BRPF3: variants seen among roughly 807,000 people sequenced by gnomAD.
BRPF3 encodes the protein bromodomain and PHD finger-containing protein 3.
Under a neutral mutation model 102.0 loss-of-function variants are expected in BRPF3, and 18 were observed. The ratio of observed to expected loss-of-function variants is 0.18; its 90% CI spans 0.12 to 0.26. The LOEUF is 0.26. Among genes scored for constraint, BRPF3 ranks in the 10% least tolerant of loss-of-function variants. The pLI is 1.00. For missense variants in BRPF3, 1,147 were observed against 1,567.8 expected (o/e 0.73, Z 4.53); for synonymous variants, 570 against 614.2 (o/e 0.93, Z 1.06).
intron 4 of BRPF3, among the ~76,000 whole-genome samples, chr6:36,208,407 A>G (rs1253495316): frequency 6.6e-6 from 1 of 152,224 alleles, no homozygotes; most frequent in East Asian, 1.9e-4. Flanking sequence ...AAGCAGAGGC[A>G]GGAGGATAGG....
chr6:36,222,961 G>A (rs895103472), intron 10 of BRPF3, among the ~76,000 whole-genome samples: 2 of 152,168 alleles, frequency 1.3e-5, no homozygotes, highest in Non-Finnish European at 2.9e-5. Context: ...ATTCACAAAC[G>A]TTATCAGTGA....
intron 8 of BRPF3, among the ~76,000 whole-genome samples, chr6:36,217,711 C>T (rs1189963975): frequency 6.6e-6 from 1 of 152,190 alleles, no homozygotes; most frequent in Non-Finnish European, 1.5e-5. Flanking sequence ...GCAGTGTCTG[C>T]TCCTTGCCCT....
Position 36,200,941 on chromosome 6 carries a change from T to A in BRPF3, c.619T>A (p.Ser207Thr). The A allele has an allele frequency of 6.2e-7, 1 of 1,614,156 alleles. No homozygotes were observed. The highest frequency in any genetic ancestry group is 8.5e-7 in the Non-Finnish European group (1 of 1,180,038). ...GAGTCGCAGCAGTGGGGCCCAACAGTCACTCATCGATGAAGACGCTTTCTG... is the reference window on the plus strand; with the variant it reads ...GAGTCGCAGCAGTGGGGCCCAACAGACACTCATCGATGAAGACGCTTTCTG... ...LESRSSGAQQ[S>T]LIDEDAFCCV... Residue 207 changes from serine (S) to threonine (T), a missense_variant, in exon 2 of 13, where the codon TCA becomes ACA. Ser to Thr is a moderately conservative substitution (Grantham distance 58). Transcript: ENST00000357641. The surrounding 1 kb of genome is among the most constrained non-coding windows in gnomAD (Gnocchi z 5.3).
At chr6:36,211,051 G>C in intron 6 of BRPF3, 1 of 617,304 alleles carries the variant, frequency 1.6e-6, no homozygotes, top group Non-Finnish European at 2.8e-6. Context: ...ACTGCTTCCT[G>C]CAGACGTTTC....
chr6:36,205,947 C>A (rs1216748104), intron 3 of BRPF3, among the ~76,000 whole-genome samples: 5 of 152,070 alleles, frequency 3.3e-5, no homozygotes, highest in Non-Finnish European at 7.4e-5. Context: ...AACTTATTTC[C>A]CCATCATTAT....
At chr6:36,204,426 A>C (rs1767831562) in intron 2 of BRPF3, 1 of 554,188 alleles carries the variant, frequency 1.8e-6, no homozygotes, top group Admixed American at 3.0e-5. Context: ...CTTTTGGAGG[A>C]TTAGGACTGC....
At chr6:36,209,713 A>G in intron 4 of BRPF3, 74 bp from the exon 5 acceptor site, 1 of 1,544,762 alleles carries the variant, frequency 6.5e-7, no homozygotes, top group East Asian at 2.3e-5. Context: ...GTAAAAGTCA[A>G]ACTATCAAGA....
chr6:36,199,192 T>A (rs1403602822), intron 1 of BRPF3, among the ~76,000 whole-genome samples: 2 of 152,196 alleles, frequency 1.3e-5, no homozygotes, highest in Non-Finnish European at 2.9e-5. Context: ...CATTACCACC[T>A]GAGCTCTGCC....
intron 10 of BRPF3, among the ~76,000 whole-genome samples, chr6:36,223,479 T>C (rs1273878109): frequency 6.6e-6 from 1 of 152,208 alleles, no homozygotes; most frequent in East Asian, 1.9e-4. Flanking sequence ...CGCCAAAGGA[T>C]ATTGACCTCC....
At chr6:36,224,506 T>G (rs763481021) in intron 10 of BRPF3, among the ~76,000 whole-genome samples, 18 of 152,246 alleles carry the variant, frequency 1.2e-4, no homozygotes, top group Non-Finnish European at 2.4e-4. Context: ...ACTTGCAGAC[T>G]GCTTAGCTCT....
intron 2 of BRPF3, among the ~76,000 whole-genome samples, chr6:36,202,720 T>C (rs1224829514): frequency 6.6e-6 from 1 of 152,178 alleles, no homozygotes; most frequent in African/African-American, 2.4e-5. Context: ...TTCAATGATA[T>C]ATTTATTGAG....
At chr6:36,197,914 G>A (rs1362512617) in intron 1 of BRPF3, among the ~76,000 whole-genome samples, 1 of 152,186 alleles carries the variant, frequency 6.6e-6, no homozygotes, top group African/African-American at 2.4e-5. Context: ...GGAGGTGGCA[G>A]GTGGGGAAGG....
chr6:36,214,853 TAGAG>T (rs1009555825), intron 8 of BRPF3, among the ~76,000 whole-genome samples: 43 of 152,228 alleles, frequency 2.8e-4, no homozygotes, highest in African/African-American at 1.0e-3. Context: ...AGAGTGGTCT[TAGAG>T]AGGGTGGCCA....
At position 36,201,768 on chromosome 6, in the gene BRPF3, C is replaced by T. The variant is rs369451160; in HGVS notation, c.1446C>T (p.Tyr482=). The stretch of plus-strand genomic sequence containing the variant: ...TTGCTGTCCCACAGATACCCTCTTA[C>T]AGGTAAGCATGCCCAGAAGGGCTCC... ...PMLAVPQIPS[Y]RLNKICSGLS... The change falls in exon 2 of 13, where the codon TAC becomes TAT. Residue 482 remains tyrosine, a splice_region_variant and synonymous_variant. Coordinates refer to ENST00000357641, the MANE Select transcript of BRPF3 (RefSeq NM_015695.3). This position sits in a 1 kb window ranked among gnomAD's most constrained non-coding sequence, Gnocchi z 5.1. 3.0e-5 allele frequency: 48 copies of T among 1,595,976 alleles called. No individual in the cohort carries two copies. Among genetic ancestry groups the T allele is most frequent in the Admixed American group, 8.6e-5 (5 of 58,120 alleles).
chr6:36,199,171 G>A (rs1275087426), intron 1 of BRPF3, among the ~76,000 whole-genome samples: 1 of 152,160 alleles, frequency 6.6e-6, no homozygotes, highest in African/African-American at 2.4e-5. Context: ...GGTGAGTGGC[G>A]GGCAAGCGAG....
Position 36,204,829 on chromosome 6 carries a change from G to C in BRPF3, c.1605+15G>C. 1 of 1,609,208 alleles carries C rather than the reference G, an allele frequency of 6.2e-7. No homozygotes were observed. The highest frequency in any genetic ancestry group is 1.1e-5 in the South Asian group (1 of 90,980). ...ACGCTGAGCAGGTAGGTGCAGTGGTGATTTGAGGCTGGTAGAGGGAGGTGG... is the reference window on the plus strand; with the variant it reads ...ACGCTGAGCAGGTAGGTGCAGTGGTCATTTGAGGCTGGTAGAGGGAGGTGG... On this transcript the variant is annotated intron_variant, in intron 3 of 12. Coordinates refer to ENST00000357641, the MANE Select transcript of BRPF3 (RefSeq NM_015695.3).
intron 2 of BRPF3, among the ~76,000 whole-genome samples, chr6:36,203,431 AC>A (rs34998342): frequency 0.073 from 11,051 of 152,264 alleles, 568 homozygotes; most frequent in Non-Finnish European, 0.12. Flanking sequence ...TCTTTTCCCT[AC>A]CTGCACAAAT....
intron 10 of BRPF3, 92 bp downstream of exon 10, chr6:36,222,357 G>A (rs1581986024): frequency 8.1e-7 from 1 of 1,232,548 alleles, no homozygotes; most frequent in Non-Finnish European, 1.2e-6. Context: ...TCCGTACCAG[G>A]CAGCCAGTCC....
rs1177088241 is a variant in BRPF3, at chr6:36,200,651, C to G, written c.329C>G (p.Thr110Ser). 6.2e-7 allele frequency: 1 copy of G among 1,614,226 alleles called. No individual in the cohort carries two copies. The highest frequency in any genetic ancestry group is 1.1e-5 in the South Asian group (1 of 91,086). ...TCCTGCTCCAAGCATGCATCTGGTA[C>G]TTCCTTCCACCTCCCACAGCCCAGC... ...KESCSKHASGTSFHLPQPSFR... is the reference protein window; with the variant it reads ...KESCSKHASGSSFHLPQPSFR... Residue 110 changes from threonine to serine, a missense_variant, in exon 2 of 13, where the codon ACT becomes AGT. By Grantham distance (58) the Thr-to-Ser change is moderately conservative. Around this residue, in one of 11 missense-constraint regions of BRPF3, gnomAD observed 221 missense variants for 337.1 expected, o/e 0.66. Coordinates refer to ENST00000357641, the MANE Select transcript of BRPF3 (RefSeq NM_015695.3). This position sits in a 1 kb window ranked among gnomAD's most constrained non-coding sequence, Gnocchi z 5.3.
Sources: allele counts gnomAD v4.1 joint callset (sites outside exome capture counted in the v4.1 genomes callset), GRCh38; gene constraint gnomAD v4.1.1; regional missense constraint gnomAD v4.1.1; non-coding constraint Gnocchi (gnomAD v3.1); transcripts MANE v1.5; gene names NCBI Gene and HGNC (gene_info 2026-07-23, HGNC 2026-07-21).